Variants in PPP2R2D observed in about 807,000 individuals in gnomAD.
The protein encoded by PPP2R2D is protein phosphatase 2 regulatory subunit Bdelta, also known as serine/threonine-protein phosphatase 2A 55 kDa regulatory subunit B delta isoform.
PPP2R2D carries 9 observed loss-of-function variants against 31.1 expected under a neutral mutation model. The ratio of observed to expected loss-of-function variants is 0.29; its 90% CI spans 0.17 to 0.51. PPP2R2D has a LOEUF of 0.51. Ranked by LOEUF, PPP2R2D falls within the 20% of genes least tolerant of loss-of-function variation. The pLI, the probability that PPP2R2D is intolerant of heterozygous loss-of-function variation, is 0.98. For missense variants in PPP2R2D, 391 were observed against 465.6 expected (o/e 0.84, Z 1.48); for synonymous variants, 179 against 172.6 (o/e 1.04, Z -0.29).
At chr10:131,914,890 T>C (rs2035749676) in intron 2 of PPP2R2D, among the ~76,000 whole-genome samples, 1 of 152,102 alleles carries the variant, frequency 6.6e-6, no homozygotes, top group African/African-American at 2.4e-5. Flanking sequence ...ATGCATTGTT[T>C]GTAGGTATAA....
chr10:131,947,125 C>G lies in PPP2R2D; in HGVS notation c.821-405C>G, dbSNP rs1380745529. On this transcript the variant is annotated intron_variant, in intron 7 of 8. Transcript: ENST00000455566. This position sits in a 1 kb window ranked among gnomAD's most constrained non-coding sequence, Gnocchi z 4.3. Reference sequence around the variant, plus strand: ...GTGATGTGTATGCGATAGAATTTCACGTGCTCGGGCCTGGTGCCATGAGGA... The same window carrying G: ...GTGATGTGTATGCGATAGAATTTCAGGTGCTCGGGCCTGGTGCCATGAGGA... Among the ~76,000 whole-genome samples, 1 of 152,208 alleles carries G rather than the reference C, an allele frequency of 6.6e-6. No homozygotes were observed. The highest frequency in any genetic ancestry group is 1.5e-5 in the Non-Finnish European group (1 of 68,040).
In PPP2R2D at chr10:131,940,684, C is replaced by T. The variant is rs782811828; in HGVS notation, c.467C>T (p.Thr156Met). Residue 156 changes from threonine (T) to methionine (M), a missense_variant, in exon 5 of 9, where the codon ACG becomes ATG. Thr to Met is a moderately conservative substitution (Grantham distance 81). This residue lies in a region of PPP2R2D where 105 missense variants were observed against 98.5 expected (regional missense o/e 1.07). Transcript: ENST00000455566. ...AGACTTCGAGACCCATTTAGGATCA[C>T]GGCGCTACGGGTACACGTTGCCTTT... ...DGRLRDPFRI[T>M]ALRVPILKPM... The T allele has an allele frequency of 1.2e-5, 9 of 776,248 alleles. No homozygotes were observed. The highest frequency in any genetic ancestry group is 1.7e-5 in the Admixed American group (1 of 58,474). 48.1% of individuals were successfully genotyped at this position (776,248 alleles called of 1,614,324 possible). A position where few individuals can be genotyped will look rare whatever the true frequency, so the allele number is the denominator to read the frequency against.
intron 7 of PPP2R2D, among the ~76,000 whole-genome samples, chr10:131,946,614 G>A (rs555946321): frequency 6.6e-6 from 1 of 152,338 alleles, no homozygotes; most frequent in Admixed American, 6.5e-5. Context: ...AAATTCTTGA[G>A]TAAATAATTT....
At chr10:131,920,560 T>G (rs2035965955) in intron 2 of PPP2R2D, among the ~76,000 whole-genome samples, 1 of 152,266 alleles carries the variant, frequency 6.6e-6, no homozygotes, top group Non-Finnish European at 1.5e-5. Flanking sequence ...TGTCAGAATT[T>G]CATTCCTTTT....
At chr10:131,917,305 G>C (rs1350233140) in intron 2 of PPP2R2D, among the ~76,000 whole-genome samples, 2 of 133,322 alleles carry the variant, frequency 1.5e-5, no homozygotes, top group African/African-American at 5.7e-5. Context: ...CCTCAGGCAG[G>C]TGGAATGACA....
chr10:131,945,186 C>T lies in PPP2R2D; in HGVS notation c.656-109C>T. 1 of 1,303,908 alleles carries T rather than the reference C, an allele frequency of 7.7e-7. No homozygotes were observed. Among genetic ancestry groups the T allele is most frequent in the Admixed American group, 2.3e-5 (1 of 43,456 alleles). The allele number at this position is 1,303,908 out of a possible 1,614,324, so 80.8% of individuals were successfully genotyped here. A position where few individuals can be genotyped will look rare whatever the true frequency, so the allele number is the denominator to read the frequency against. On this transcript the variant is annotated intron_variant, in intron 6 of 8. Coordinates refer to ENST00000455566, the MANE Select transcript of PPP2R2D (RefSeq NM_018461.5). The surrounding 1 kb of genome is among the most constrained non-coding windows in gnomAD (Gnocchi z 4.8). ...TAACCAGCCTTCTTAATAGCTAATC[C>T]CTTAAACCTCACTGCGTGGATTATT...
chr10:131,905,982 TAGA>T (rs1425987433), intron 2 of PPP2R2D, among the ~76,000 whole-genome samples: 6 of 152,250 alleles, frequency 3.9e-5, no homozygotes, highest in Non-Finnish European at 8.8e-5. Context: ...GTCAAAATGA[TAGA>T]AGATTAGTAA....
intron 3 of PPP2R2D, among the ~76,000 whole-genome samples, chr10:131,938,952 C>T (rs925413186): frequency 6.6e-6 from 1 of 152,360 alleles, no homozygotes; most frequent in Non-Finnish European, 1.5e-5. Flanking sequence ...ACATTTTTGC[C>T]TCTATAGCTC....
At chr10:131,933,758 G>C (rs1273439790) in intron 2 of PPP2R2D, among the ~76,000 whole-genome samples, 1 of 152,066 alleles carries the variant, frequency 6.6e-6, no homozygotes, top group Non-Finnish European at 1.5e-5. Context: ...CAACCCGAAG[G>C]GTTAGCCTCA....
chr10:131,924,947 A>C (rs548254565), intron 2 of PPP2R2D, among the ~76,000 whole-genome samples: 3 of 151,252 alleles, frequency 2.0e-5, no homozygotes, highest in Non-Finnish European at 4.4e-5. Context: ...TCTTGCTTTT[A>C]TTTCTGAATT....
At chr10:131,909,457 G>A (rs2035648495) in intron 2 of PPP2R2D, among the ~76,000 whole-genome samples, 2 of 152,192 alleles carry the variant, frequency 1.3e-5, no homozygotes, top group East Asian at 1.9e-4. Context: ...CTCTAGTTTC[G>A]GGGTGGCCAA....
At chr10:131,964,524 G>A (rs915164002), downstream of PPP2R2D, among the ~76,000 whole-genome samples, 8 of 152,246 alleles carry the variant, frequency 5.3e-5, no homozygotes, top group African/African-American at 1.9e-4. Flanking sequence ...CAAGCCCACG[G>A]CTTCGTGCTA....
At chr10:131,926,748 G>A (rs1345996160) in intron 2 of PPP2R2D, among the ~76,000 whole-genome samples, 1 of 152,250 alleles carries the variant, frequency 6.6e-6, no homozygotes, top group African/African-American at 2.4e-5. Flanking sequence ...ACTGTTGTGT[G>A]TCATCGTTTG....
chr10:131,905,949 G>A (rs2035574828), intron 2 of PPP2R2D, among the ~76,000 whole-genome samples: 1 of 152,238 alleles, frequency 6.6e-6, no homozygotes, highest in Admixed American at 6.5e-5. Context: ...AATGAAAATG[G>A]AATGCCTTTA....
rs891244531 is a variant in PPP2R2D, at chr10:131,947,151, C to G, written c.821-379C>G. The stretch of plus-strand genomic sequence containing the variant: ...GTGCTCGGGCCTGGTGCCATGAGGA[C>G]GCGGAGACACTCCTACAGGAATGCG... On this transcript the variant is annotated intron_variant, in intron 7 of 8. Coordinates refer to ENST00000455566, the MANE Select transcript of PPP2R2D (RefSeq NM_018461.5). This position sits in a 1 kb window ranked among gnomAD's most constrained non-coding sequence, Gnocchi z 4.3. Among the ~76,000 whole-genome samples the G allele has an allele frequency of 6.6e-6, 1 of 152,148 alleles. No homozygotes were observed. Among genetic ancestry groups the G allele is most frequent in the African/African-American group, 2.4e-5 (1 of 41,434 alleles).
At chr10:131,901,352 G>C (rs2035490899) in intron 2 of PPP2R2D, 22 bp downstream of exon 2, 1 of 355,218 alleles carries the variant, frequency 2.8e-6, no homozygotes, top group East Asian at 4.1e-5. Flanking sequence ...GCCGCGCCCC[G>C]CCCCGGGACC....
chr10:131,916,657 A>G (rs1250578810), intron 2 of PPP2R2D, among the ~76,000 whole-genome samples: 2 of 151,356 alleles, frequency 1.3e-5, no homozygotes, highest in African/African-American at 4.9e-5. Context: ...AGGCGGGTGG[A>G]ATGACACAGT....
At chr10:131,938,661 G>T (rs1414924470) in intron 3 of PPP2R2D, among the ~76,000 whole-genome samples, 1 of 152,182 alleles carries the variant, frequency 6.6e-6, no homozygotes, top group Non-Finnish European at 1.5e-5. Flanking sequence ...CTGTACGTAC[G>T]TAAGCAGCAC....
intron 2 of PPP2R2D, among the ~76,000 whole-genome samples, chr10:131,901,887 CTTGAA>C (rs1203508745): frequency 6.6e-6 from 1 of 152,230 alleles, no homozygotes; most frequent in Non-Finnish European, 1.5e-5. Flanking sequence ...TTCTAAAATC[CTTGAA>C]TTTTACTGTG....
Sources: gnomAD v4.1 joint callset for allele counts (sites outside exome capture counted in the v4.1 genomes callset) on GRCh38, gnomAD v4.1.1 for gene constraint, gnomAD v4.1.1 regional missense constraint, Gnocchi (gnomAD v3.1) non-coding constraint, MANE v1.5 for transcripts, NCBI Gene and HGNC (gene_info 2026-07-23, HGNC 2026-07-21) for gene names.